The following TK2 variants were observed in gnomAD, a reference collection of about 807,000 sequenced individuals.
TK2 encodes thymidine kinase 2, also known as thymidine kinase 2, mitochondrial.
In TK2, 35 loss-of-function variants were observed where a neutral mutation model predicts 41.9. The ratio of observed to expected loss-of-function variants is 0.84; its 90% confidence interval spans 0.64 to 1.11. The LOEUF (loss-of-function observed/expected upper bound fraction) is 1.11. Among genes scored for constraint, TK2 ranks in the 50% least tolerant of loss-of-function variants. The pLI, the probability that TK2 is intolerant of heterozygous loss-of-function variation, is 0.00. For missense variants in TK2, 320 were observed against 351.1 expected (o/e 0.91, Z 0.71); for synonymous variants, 128 against 129.1 (o/e 0.99, Z 0.06).
intron 6 of TK2, among the ~76,000 whole-genome samples, chr16:66,519,471 G>A (rs1467330567): frequency 6.6e-6 from 1 of 152,112 alleles, no homozygotes; most frequent in East Asian, 1.9e-4. Context: ...GAGCCACTGC[G>A]CCCGGCCTAC....
In TK2 at chr16:66,511,668, T is replaced by C; in HGVS notation, c.*300A>G. The C allele has an allele frequency of 2.1e-6, 1 of 467,994 alleles. No homozygotes were observed. Among genetic ancestry groups the C allele is most frequent in the South Asian group, 2.1e-5 (1 of 48,322 alleles). The allele number at this position is 467,994 out of a possible 1,614,324, so 29.0% of individuals were successfully genotyped here. A position where few individuals can be genotyped will look rare whatever the true frequency, so the allele number is the denominator to read the frequency against. ...AGCGTGGTGTCAGGCACACAACAGGTGCTCTCCCTAAGGGCTTCATGAGAG... is the reference window on the plus strand; with the variant it reads ...AGCGTGGTGTCAGGCACACAACAGGCGCTCTCCCTAAGGGCTTCATGAGAG... On this transcript the variant is annotated 3_prime_UTR_variant, in exon 10 of 10. Transcript: ENST00000544898.
At position 66,549,029 on chromosome 16, in the gene TK2, A is replaced by G. The variant is rs761776755; in HGVS notation, c.125-20T>C. On this transcript the variant is annotated intron_variant, in intron 1 of 9. Coordinates refer to ENST00000544898, the MANE Select transcript of TK2 (RefSeq NM_004614.5). ...CTTTATCTACAAAAGAAAGGAAATCAGTTTTTAAACTCACTTTTAAATAAC... is the reference window on the plus strand; with the variant it reads ...CTTTATCTACAAAAGAAAGGAAATCGGTTTTTAAACTCACTTTTAAATAAC... 6.2e-7 allele frequency: 1 copy of G among 1,613,438 alleles called. No individual in the cohort carries two copies. The highest frequency in any genetic ancestry group is 2.2e-5 in the East Asian group (1 of 44,858).
chr16:66,513,642 G>A (rs1244757344), intron 9 of TK2, 89 bp downstream of exon 9: 32 of 1,177,706 alleles, frequency 2.7e-5, no homozygotes. Flanking sequence ...AAAGGACTGT[G>A]CCCTCCCCTG....
At chr16:66,535,191 T>C (rs995798744) in intron 4 of TK2, among the ~76,000 whole-genome samples, 14 of 152,258 alleles carry the variant, frequency 9.2e-5, no homozygotes, top group African/African-American at 2.9e-4. Context: ...AATTGAGATT[T>C]TTCACAAAAG....
intron 5 of TK2, among the ~76,000 whole-genome samples, chr16:66,530,278 C>T (rs1338238748): frequency 6.6e-6 from 1 of 152,242 alleles, no homozygotes; most frequent in Non-Finnish European, 1.5e-5. Flanking sequence ...CCAGTGTTAA[C>T]TGGCTGTAGG....
In TK2 at chr16:66,548,816, G is replaced by A. The variant is rs1965687318; in HGVS notation, c.156+162C>T. ...AAAGATACAAGAAATTGGTAACAGA[G>A]GTGGCCTTCTAGGAGGGTGACAGAC... On this transcript the variant is annotated intron_variant, in intron 2 of 9. Transcript: ENST00000544898. 1.2e-5 allele frequency: 8 copies of A among 684,372 alleles called. 1 individual carries two copies. The South Asian group carries it at 1.2e-4, about 10-fold the overall frequency. The allele number at this position is 684,372 out of a possible 1,614,324, so 42.4% of individuals were successfully genotyped here. A position where few individuals can be genotyped will look rare whatever the true frequency, so the allele number is the denominator to read the frequency against.
At chr16:66,544,598 G>C (rs1172416431) in intron 2 of TK2, among the ~76,000 whole-genome samples, 1 of 152,202 alleles carries the variant, frequency 6.6e-6, no homozygotes, top group African/African-American at 2.4e-5. Context: ...TCCCCATGCT[G>C]TGGGAGCACA....
intron 5 of TK2, among the ~76,000 whole-genome samples, chr16:66,529,729 G>C (rs1194002621): frequency 2.0e-5 from 3 of 152,140 alleles, no homozygotes; most frequent in African/African-American, 7.2e-5. Flanking sequence ...CTTGGCCATG[G>C]CCCACAGCAC....
intron 5 of TK2, among the ~76,000 whole-genome samples, chr16:66,529,930 G>A (rs562862119): frequency 6.6e-6 from 1 of 152,020 alleles, no homozygotes; most frequent in Non-Finnish European, 1.5e-5. Context: ...CATCTTTCCT[G>A]GTCTGTCCAT....
At chr16:66,549,428 T>A (rs1397360476) in intron 1 of TK2, 11 of 1,077,990 alleles carry the variant, frequency 1.0e-5, no homozygotes, top group African/African-American at 1.7e-5. Flanking sequence ...TGCCCATCCG[T>A]CCCACAGGTG....
At position 66,510,637 on chromosome 16, in the gene TK2, G is replaced by C. The variant is rs1013139609; in HGVS notation, c.*1331C>G. On this transcript the variant is annotated 3_prime_UTR_variant, in exon 10 of 10. Transcript: ENST00000544898. ...TCTATTTACAGCCAACAGCTGCTCT[G>C]AGAGGCTGTGGCCTGTTTCTCCAGA... is the stretch of plus-strand genomic sequence containing the variant. 54 of 152,260 alleles carry C rather than the reference G, an allele frequency of 3.5e-4. No homozygotes were observed. Among genetic ancestry groups the C allele is most frequent in the African/African-American group, 1.3e-3 (54 of 41,462 alleles). The allele number at this position is 152,260 out of a possible 1,614,324, so 9.4% of individuals were successfully genotyped here.
chr16:66,527,009 C>T (rs1473212450), intron 6 of TK2, among the ~76,000 whole-genome samples: 2 of 152,228 alleles, frequency 1.3e-5, no homozygotes, highest in Non-Finnish European at 2.9e-5. Context: ...AGTACACAAA[C>T]ATAACAGAGG....
chr16:66,537,062 A>G, intron 3 of TK2, 45 bp from the exon 4 acceptor site: 1 of 1,608,998 alleles, frequency 6.2e-7, no homozygotes, highest in Non-Finnish European at 8.5e-7. Context: ...TCTGTGCTGA[A>G]CCCTGTAAAA....
At chr16:66,533,831 T>C (rs1280766108) in intron 4 of TK2, among the ~76,000 whole-genome samples, 6 of 151,306 alleles carry the variant, frequency 4.0e-5, no homozygotes, top group Admixed American at 4.0e-4. Flanking sequence ...CACGGTGAAA[T>C]CCTGTCTCTA....
At position 66,526,708 on chromosome 16, in the gene TK2, T is replaced by C. The variant is rs138496519; in HGVS notation, c.449+2286A>G. 4.3e-3 allele frequency among the ~76,000 whole-genome samples: 657 copies of C among 152,246 alleles called. 3 individuals carry two copies. Among genetic ancestry groups the C allele is most frequent in the Middle Eastern group, 0.017 (5 of 294 alleles). ...TCGAGGCCGCAGTGAGCCATGATCA[T>C]GGCACTGCACTACAGTCTGGGTGAC... is the stretch of plus-strand genomic sequence containing the variant. On this transcript the variant is annotated intron_variant, in intron 6 of 9. Transcript: ENST00000544898.
chr16:66,517,755 G>A lies in TK2; in HGVS notation c.538+34C>T. 6.2e-7 allele frequency: 1 copy of A among 1,601,690 alleles called. No individual in the cohort carries two copies. The highest frequency in any genetic ancestry group is 8.6e-7 in the Non-Finnish European group (1 of 1,168,674). ...ACATCCTCAAGGGACCCAGGAGAGAGACAAGAGAGGGAGGTGGGAGGGGTG... is the reference window on the plus strand; with the variant it reads ...ACATCCTCAAGGGACCCAGGAGAGAAACAAGAGAGGGAGGTGGGAGGGGTG... On this transcript the variant is annotated intron_variant, in intron 7 of 9. Transcript: ENST00000544898. This position sits in a 1 kb window ranked among gnomAD's most constrained non-coding sequence, Gnocchi z 4.3.
chr16:66,517,710 G>C lies in TK2; in HGVS notation c.538+79C>G. 7.2e-7 allele frequency: 1 copy of C among 1,387,790 alleles called. No individual in the cohort carries two copies. Among genetic ancestry groups the C allele is most frequent in the Non-Finnish European group, 1.0e-6 (1 of 974,022 alleles). 86.0% of individuals were successfully genotyped at this position (1,387,790 alleles called of 1,614,324 possible). On this transcript the variant is annotated intron_variant, in intron 7 of 9. Transcript: ENST00000544898. The surrounding 1 kb of genome is among the most constrained non-coding windows in gnomAD (Gnocchi z 4.3). ...CAAGTGCCTCACCCACTGCCCCCAAGGGTTGGGGCCCAGCCAAGCACATCC... is the reference window on the plus strand; with the variant it reads ...CAAGTGCCTCACCCACTGCCCCCAACGGTTGGGGCCCAGCCAAGCACATCC...
chr16:66,522,391 C>T (rs1824759279), intron 6 of TK2, among the ~76,000 whole-genome samples: 1 of 152,214 alleles, frequency 6.6e-6, no homozygotes, highest in African/African-American at 2.4e-5. Context: ...ATGCCACTTC[C>T]CGAGCTGGGT....
chr16:66,538,915 C>G (rs1390393253), intron 3 of TK2, among the ~76,000 whole-genome samples: 1 of 152,184 alleles, frequency 6.6e-6, no homozygotes, highest in Non-Finnish European at 1.5e-5. Flanking sequence ...GTATCATACA[C>G]TGGCCTAGCG....
Sources: gnomAD v4.1 joint callset for allele counts (sites outside exome capture counted in the v4.1 genomes callset) on GRCh38, gnomAD v4.1.1 for gene constraint, Gnocchi (gnomAD v3.1) non-coding constraint, MANE v1.5 for transcripts, NCBI Gene and HGNC (gene_info 2026-07-23, HGNC 2026-07-21) for gene names.